Variants in ITGB5 observed in about 807,000 individuals in gnomAD.
ITGB5 encodes the protein integrin subunit beta 5.
In ITGB5, 38 loss-of-function variants were observed where a neutral mutation model predicts 84.8. The ratio of observed to expected loss-of-function variants is 0.45; its 90% CI spans 0.35 to 0.59. ITGB5 has a LOEUF of 0.59. Among genes scored for constraint, ITGB5 ranks in the 20% least tolerant of loss-of-function variants. The pLI, the probability that ITGB5 is intolerant of heterozygous loss-of-function variation, is 0.01. For synonymous variants in ITGB5, 393 were observed against 414.4 expected (o/e 0.95, Z 0.63); for missense variants, 905 against 1,034.5 (o/e 0.87, Z 1.72).
chr3:124,841,679 C>T (rs2065013998), intron 4 of ITGB5, 128 bp from the exon 5 acceptor site: 3 of 788,582 alleles, frequency 3.8e-6, no homozygotes, highest in Middle Eastern at 3.2e-4. Context: ...CCACATGCCC[C>T]AGGACAGGCA....
At chr3:124,882,660 A>G (rs1934627904) in intron 1 of ITGB5, among the ~76,000 whole-genome samples, 1 of 152,260 alleles carries the variant, frequency 6.6e-6, no homozygotes, top group African/African-American at 2.4e-5. Context: ...GGTTTTAAGC[A>G]GAGAGATATG....
At chr3:124,819,923 T>A (rs1412285744) in intron 6 of ITGB5, 89 bp from the exon 7 acceptor site, 6 of 956,824 alleles carry the variant, frequency 6.3e-6, no homozygotes, top group Non-Finnish European at 1.0e-5. Context: ...GCAGCCAGCA[T>A]TTGCCAGGGA....
intron 9 of ITGB5, among the ~76,000 whole-genome samples, chr3:124,798,071 T>TTTTTTTTTTTTTTTTTGG (rs2064259522): frequency 6.7e-6 from 1 of 149,082 alleles, no homozygotes; most frequent in African/African-American, 2.5e-5. Flanking sequence ...TTTTTTTTTT[T>TTTTTTTTTTTTTTTTTGG]GAGGTGGAGT....
chr3:124,816,915 T>C (rs965035396), intron 8 of ITGB5, among the ~76,000 whole-genome samples: 1 of 152,104 alleles, frequency 6.6e-6, no homozygotes, highest in Non-Finnish European at 1.5e-5. Context: ...CTTAAGTAGG[T>C]AGGCAAAAAC....
In ITGB5 at chr3:124,846,294, C is replaced by G. The variant is rs79932524; in HGVS notation, c.611+2015G>C. 9.2e-3 allele frequency among the ~76,000 whole-genome samples: 1,395 copies of G among 152,220 alleles called. 43 individuals are homozygous for G. Among genetic ancestry groups the G allele is most frequent in the East Asian group, 0.084 (433 of 5,172 alleles). On this transcript the variant is annotated intron_variant, in intron 4 of 14. Transcript: ENST00000296181. ...GGCTCAGGGATTTAAGAACAGCTCT[C>G]TCCCCTTGGTGGCAGCTGGAAGACC... is the stretch of plus-strand genomic sequence containing the variant.
intron 11 of ITGB5, among the ~76,000 whole-genome samples, 192 bp downstream of exon 11, chr3:124,773,498 C>T (rs1035807347): frequency 3.9e-5 from 6 of 152,120 alleles, no homozygotes; most frequent in South Asian, 4.2e-4. Context: ...CTTACAAAAC[C>T]CTTATGGAAC....
chr3:124,808,049 A>G (rs955414836), intron 9 of ITGB5, among the ~76,000 whole-genome samples: 1 of 148,132 alleles, frequency 6.8e-6, no homozygotes, highest in African/African-American at 2.5e-5. Flanking sequence ...GAGGATCTAC[A>G]GTGGAATATG....
Position 124,766,207 on chromosome 3 carries a change from C to T in ITGB5, c.2137+19G>A. On this transcript the variant is annotated intron_variant, in intron 13 of 14. Coordinates refer to ENST00000296181, the MANE Select transcript of ITGB5 (RefSeq NM_002213.5). ...TGAGGGCTGGCTGAGTGGGCCGAGCCCTTGCAGCCCTCACCTACCTGGCTC... is the reference window on the plus strand; with the variant it reads ...TGAGGGCTGGCTGAGTGGGCCGAGCTCTTGCAGCCCTCACCTACCTGGCTC... The T allele has an allele frequency of 2.5e-6, 4 of 1,610,578 alleles. No homozygotes were observed. The South Asian group carries it at 3.3e-5, about 13-fold the overall frequency.
chr3:124,821,314 A>T lies in ITGB5; in HGVS notation c.941T>A (p.Met314Lys). The T allele has an allele frequency of 6.2e-7, 1 of 1,612,490 alleles. No homozygotes were observed. Among genetic ancestry groups the T allele is most frequent in the Non-Finnish European group, 8.5e-7 (1 of 1,179,262 alleles). ...GGGGATCTGGTTCCCGGCACTCACC[A>T]TCTGGTTGGATGCAGTGTACTCGTT... ...EANEYTASNQ[M>K]DYPSLALLGE... Residue 314 changes from methionine to lysine, a missense_variant and splice_region_variant, in exon 6 of 15, where the codon ATG becomes AAG. By Grantham distance (95) the Met-to-Lys change is moderately conservative (BLOSUM62 -1). Coordinates refer to ENST00000296181, the MANE Select transcript of ITGB5 (RefSeq NM_002213.5).
chr3:124,859,462 G>A lies in ITGB5; in HGVS notation c.157-16C>T, dbSNP rs1579305899. Reference sequence around the variant, plus strand: ...TTCCGAAGTCCTAGGCAGGGAAAAAGAGGAAGAGAGCAGGAGGTGGTCAGG... The same window carrying A: ...TTCCGAAGTCCTAGGCAGGGAAAAAAAGGAAGAGAGCAGGAGGTGGTCAGG... On this transcript the variant is annotated splice_polypyrimidine_tract_variant and intron_variant, in intron 2 of 14. Coordinates refer to ENST00000296181, the MANE Select transcript of ITGB5 (RefSeq NM_002213.5). 3.1e-6 allele frequency: 5 copies of A among 1,609,398 alleles called. No individual in the cohort carries two copies. Among genetic ancestry groups the A allele is most frequent in the Middle Eastern group, 1.7e-4 (1 of 6,018 alleles).
At chr3:124,767,433 G>A (rs1466326786) in intron 12 of ITGB5, among the ~76,000 whole-genome samples, 1 of 152,204 alleles carries the variant, frequency 6.6e-6, no homozygotes, top group East Asian at 1.9e-4. Flanking sequence ...ATGATGGATT[G>A]GAACATAAGC....
chr3:124,816,406 G>C (rs1423574443), intron 8 of ITGB5, among the ~76,000 whole-genome samples: 2 of 152,226 alleles, frequency 1.3e-5, no homozygotes, highest in African/African-American at 2.4e-5. Context: ...GATTCGTTAG[G>C]TTCCCAGGTT....
chr3:124,805,054 T>TG (rs1553758103), intron 9 of ITGB5, among the ~76,000 whole-genome samples: 3,133 of 124,368 alleles, frequency 0.025, 48 homozygotes, highest in African/African-American at 0.045. Context: ...CTGCCCTCCC[T>TG]CCCTGCCCTG....
At chr3:124,795,881 G>A (rs2064214887) in intron 10 of ITGB5, among the ~76,000 whole-genome samples, 1 of 152,238 alleles carries the variant, frequency 6.6e-6, no homozygotes, top group Admixed American at 6.5e-5. Context: ...CTGGCACCTT[G>A]ATTCTAGCCA....
chr3:124,773,166 C>CAAAG (rs970258073), intron 11 of ITGB5, among the ~76,000 whole-genome samples: 20 of 152,170 alleles, frequency 1.3e-4, no homozygotes, highest in Non-Finnish European at 2.1e-4. Flanking sequence ...CTTGGCCTCC[C>CAAAG]AAAGAGCTGG....
chr3:124,865,473 GC>G (rs2065372474), intron 2 of ITGB5, among the ~76,000 whole-genome samples: 1 of 112,556 alleles, frequency 8.9e-6, no homozygotes, highest in Non-Finnish European at 1.8e-5. Context: ...GTCCTTTGCG[GC>G]TTTTTTCTTT....
In ITGB5 at chr3:124,796,498, C is replaced by A; in HGVS notation, c.1583G>T (p.Cys528Phe). ...GAAGCAGGAGCACTGGTTGCAGCTG[C>A]AGTCCCCACGCCCGCTGCACAGTGG... ...GKPLCSGRGD[C>F]SCNQCSCFES... is the part of the protein sequence containing the mutation. Residue 528 changes from cysteine to phenylalanine, a missense_variant, in exon 10 of 15, where the codon TGC becomes TTC. Physicochemically the swap from Cys to Phe is radical, Grantham distance 205 (BLOSUM62 -2). This residue lies in a region of ITGB5 where 656 missense variants were observed against 734.7 expected (regional missense o/e 0.89). Transcript: ENST00000296181. The A allele has an allele frequency of 4.3e-6, 7 of 1,614,120 alleles. No individual in the cohort carries two copies. The highest frequency in any genetic ancestry group is 5.9e-6 in the Non-Finnish European group (7 of 1,180,010).
intron 3 of ITGB5, among the ~76,000 whole-genome samples, chr3:124,857,985 C>A (rs538009980): frequency 1.7e-3 from 262 of 151,856 alleles, no homozygotes; most frequent in African/African-American, 4.7e-3. Context: ...AACACACACA[C>A]AAAAAAATTA....
chr3:124,898,693 G>A (rs1359670255), intron 1 of ITGB5, among the ~76,000 whole-genome samples: 3 of 140,412 alleles, frequency 2.1e-5, no homozygotes, highest in East Asian at 4.3e-4. Context: ...ACTTTGGGAG[G>A]TTGAAGCAGG....
Sources: gnomAD v4.1 joint callset for allele counts (sites outside exome capture counted in the v4.1 genomes callset) on GRCh38, gnomAD v4.1.1 for gene constraint, gnomAD v4.1.1 regional missense constraint, MANE v1.5 for transcripts, NCBI Gene and HGNC (gene_info 2026-07-23, HGNC 2026-07-21) for gene names.